SERPINB11: variants seen among roughly 807,000 people sequenced by gnomAD.
The protein encoded by SERPINB11 is serpin family B member 11.
In SERPINB11, 32 loss-of-function variants were observed where a neutral mutation model predicts 36.7. The ratio of observed to expected loss-of-function variants is 0.87; its 90% CI spans 0.66 to 1.17. The LOEUF is 1.17. SERPINB11 is among the 50% of genes most tolerant of loss of function. The pLI, the probability that SERPINB11 is intolerant of heterozygous loss-of-function variation, is 0.00. For missense variants in SERPINB11, 528 were observed against 458.4 expected (o/e 1.15, Z -1.39); for synonymous variants, 174 against 168.1 (o/e 1.04, Z -0.27).
intron 5 of SERPINB11, among the ~76,000 whole-genome samples, chr18:63,716,448 C>T (rs8087398): frequency 0.37 from 56,471 of 151,894 alleles, 11,352 homozygotes; most frequent in East Asian, 0.61. Flanking sequence ...TATTGCTAAA[C>T]ATTTCTTAAA....
chr18:63,714,657 G>T (rs1914620411), intron 4 of SERPINB11, among the ~76,000 whole-genome samples: 1 of 152,080 alleles, frequency 6.6e-6, no homozygotes, highest in Non-Finnish European at 1.5e-5. Context: ...ATATGGCTCT[G>T]TTCTGCCTGG....
Position 63,723,281 on chromosome 18 carries a change from T to C in SERPINB11, c.1061T>C (p.Ile354Thr), listed in dbSNP as rs34811964. Reference protein sequence around the residue: ...TEAAAATGDSIAVKSLPMRAQ... With the variant: ...TEAAAATGDSTAVKSLPMRAQ... Reference sequence around the variant, plus strand: ...GCAGCAGCAGCCACTGGGGACAGCATCGCTGTAAAAAGCCTACCAATGAGA... The same window carrying C: ...GCAGCAGCAGCCACTGGGGACAGCACCGCTGTAAAAAGCCTACCAATGAGA... Residue 354 changes from isoleucine (I) to threonine (T), a missense_variant, in exon 8 of 8, where the codon ATC (isoleucine) becomes ACC (threonine). Coordinates refer to ENST00000544088, the MANE Select transcript of SERPINB11 (RefSeq NM_001370475.1). The C allele has an allele frequency of 0.019, 30,182 of 1,613,970 alleles. 362 individuals carry two copies. The highest frequency in any genetic ancestry group is 0.029 in the Middle Eastern group (173 of 6,062).
intron 4 of SERPINB11, among the ~76,000 whole-genome samples, chr18:63,712,952 T>C (rs1914567718): frequency 6.6e-6 from 1 of 152,200 alleles, no homozygotes; most frequent in Non-Finnish European, 1.5e-5. Context: ...ACAAAGTAGG[T>C]AAGAATCATC....
At position 63,720,141 on chromosome 18, in the gene SERPINB11, T is replaced by C; in HGVS notation, c.604T>C (p.Phe202Leu). ...FQVRETVKSP[F>L]QLSEGKNVTV... Reference sequence around the variant, plus strand: ...AGTAAGAGAGACAGTTAAAAGTCCTTTTCAGCTAAGTGAGGTAAGTATTTT... The same window carrying C: ...AGTAAGAGAGACAGTTAAAAGTCCTCTTCAGCTAAGTGAGGTAAGTATTTT... Residue 202 changes from phenylalanine (F) to leucine (L), a missense_variant, in exon 6 of 8, where the codon TTT becomes CTT. By Grantham distance (22) the Phe-to-Leu change is conservative (BLOSUM62 0). Transcript: ENST00000544088. 2 of 1,606,750 alleles carry C rather than the reference T, an allele frequency of 1.2e-6. No homozygotes were observed. The highest frequency in any genetic ancestry group is 1.7e-6 in the Non-Finnish European group (2 of 1,175,118).
chr18:63,723,612 C>T lies in SERPINB11; in HGVS notation c.*213C>T. 2.1e-6 allele frequency: 1 copy of T among 470,838 alleles called. No individual in the cohort carries two copies. Among genetic ancestry groups the T allele is most frequent in the East Asian group, 3.2e-5 (1 of 30,984 alleles). The allele number at this position is 470,838 out of a possible 1,614,324, so 29.2% of individuals were successfully genotyped here. ...GAAAAAGGTAGATTTATGCAGAAAG[C>T]CTTTCTGGCTTTCTTATCTGTGGTG... On this transcript the variant is annotated 3_prime_UTR_variant, in exon 8 of 8. Transcript: ENST00000544088.
rs1337984139 is a variant in SERPINB11, at chr18:63,723,201, T to C, written c.981T>C (p.Tyr327=). The part of the protein sequence containing the change: ...LSGMSPTKGL[Y]LSKAIHKSYL... ...GAATGTCACCAACCAAGGGCCTATATTTATCAAAAGCCATCCACAAGTCAT... is the reference window on the plus strand; with the variant it reads ...GAATGTCACCAACCAAGGGCCTATACTTATCAAAAGCCATCCACAAGTCAT... The change falls in exon 8 of 8, where the codon TAT becomes TAC. Residue 327 remains tyrosine (Y), a synonymous_variant. Coordinates refer to ENST00000544088, the MANE Select transcript of SERPINB11 (RefSeq NM_001370475.1). The C allele has an allele frequency of 6.2e-7, 1 of 1,613,762 alleles. No homozygotes were observed. Among genetic ancestry groups the C allele is most frequent in the Admixed American group, 1.7e-5 (1 of 59,986 alleles).
rs1164159599 is a variant in SERPINB11, at chr18:63,710,327, G to A, written c.134G>A (p.Gly45Asp). 1 of 1,613,350 alleles carries A rather than the reference G, an allele frequency of 6.2e-7. No individual in the cohort carries two copies. Among genetic ancestry groups the A allele is most frequent in the South Asian group, 1.1e-5 (1 of 90,952 alleles). Residue 45 changes from glycine (G) to aspartate (D), a missense_variant, in exon 2 of 8, where the codon GGT (glycine) becomes GAT (aspartate). Transcript: ENST00000544088. Reference sequence around the variant, plus strand: ...TATGCTCTAAGCATGGTCCTCCTTGGTGCCAGGGGAGAGACTGAAGAGCAA... The same window carrying A: ...TATGCTCTAAGCATGGTCCTCCTTGATGCCAGGGGAGAGACTGAAGAGCAA... The part of the protein sequence containing the change: ...LLYALSMVLL[G>D]ARGETEEQLE...
intron 1 of SERPINB11, among the ~76,000 whole-genome samples, chr18:63,703,561 A>T (rs1286730581): frequency 2.0e-5 from 3 of 152,250 alleles, no homozygotes; most frequent in African/African-American, 7.2e-5. Flanking sequence ...AGGAATGAGC[A>T]TATGTGAAAT....
rs1191404377 is a variant in SERPINB11, at chr18:63,720,813, T to C, written c.619-18T>C. The C allele has an allele frequency of 2.6e-6, 4 of 1,528,672 alleles. No individual in the cohort carries two copies. In the African/African-American group the frequency reaches 5.5e-5, roughly 21 times the overall value. The allele number at this position is 1,528,672 out of a possible 1,614,324, so 94.7% of individuals were successfully genotyped here. ...ACTCACATATGTAAGTATACTATAA[T>C]CTTTTTCTTCTTAACAGGGTAAAAA... On this transcript the variant is annotated intron_variant, in intron 6 of 7. Coordinates refer to ENST00000544088, the MANE Select transcript of SERPINB11 (RefSeq NM_001370475.1).
At chr18:63,711,932 G>T (rs1914537209) in intron 3 of SERPINB11, among the ~76,000 whole-genome samples, 1 of 152,152 alleles carries the variant, frequency 6.6e-6, no homozygotes, top group African/African-American at 2.4e-5. Context: ...TAGACTCACA[G>T]AATACCAGCT....
At chr18:63,708,521 A>G (rs1015143645) in intron 1 of SERPINB11, among the ~76,000 whole-genome samples, 1 of 152,194 alleles carries the variant, frequency 6.6e-6, no homozygotes, top group African/African-American at 2.4e-5. Context: ...GTACTTAAGG[A>G]TGATCACAAG....
At chr18:63,705,542 C>T (rs1419631862) in intron 1 of SERPINB11, 1 of 152,208 alleles carries the variant, frequency 6.6e-6, no homozygotes, top group East Asian at 1.9e-4. Context: ...GCCTTCTAAT[C>T]CAGTCATGGC....
At chr18:63,702,861 T>G (rs1480869523), upstream of SERPINB11, 1 of 152,000 alleles carries the variant, frequency 6.6e-6, no homozygotes, top group Non-Finnish European at 1.5e-5. Context: ...GGCTGTACTT[T>G]CCAACCAGCA....
chr18:63,712,787 A>G (rs1026870161), intron 4 of SERPINB11, 94 bp downstream of exon 4: 1 of 1,322,352 alleles, frequency 7.6e-7, no homozygotes, highest in African/African-American at 1.5e-5. Flanking sequence ...GTCACATGAC[A>G]TTTATCATTA....
chr18:63,705,718 A>G (rs773396489), intron 1 of SERPINB11: 1 of 152,256 alleles, frequency 6.6e-6, no homozygotes, highest in African/African-American at 2.4e-5. Context: ...CTGCAGGGCT[A>G]CAATAGTTAT....
chr18:63,712,762 T>A, intron 4 of SERPINB11, 69 bp downstream of exon 4: 1 of 1,522,872 alleles, frequency 6.6e-7, no homozygotes, highest in Non-Finnish European at 9.0e-7. Context: ...CCAAAATTGA[T>A]GAAGAGTGAG....
chr18:63,717,127 A>G (rs1914689353), intron 5 of SERPINB11, among the ~76,000 whole-genome samples: 1 of 151,986 alleles, frequency 6.6e-6, no homozygotes, highest in African/African-American at 2.4e-5. Context: ...TTTAAATCTC[A>G]TGTAATTGGA....
intron 1 of SERPINB11, among the ~76,000 whole-genome samples, chr18:63,704,043 C>G (rs780211402): frequency 1.3e-5 from 2 of 152,140 alleles, no homozygotes; most frequent in African/African-American, 2.4e-5. Context: ...CCATATGCAT[C>G]TTTGATAAAA....
chr18:63,711,348 G>A lies in SERPINB11; in HGVS notation c.182G>A (p.Ser61Asn), dbSNP rs1285931481. ...EEQLEKVLHF[S>N]HTVDSLKPGF... The stretch of plus-strand genomic sequence containing the variant: ...TTTCTTTTCTAGGTGCTTCATTTTA[G>A]TCATACTGTAGACTCATTAAAACCA... Residue 61 changes from serine (S) to asparagine (N), a missense_variant, in exon 3 of 8, where the codon AGT becomes AAT. Coordinates refer to ENST00000544088, the MANE Select transcript of SERPINB11 (RefSeq NM_001370475.1). The A allele has an allele frequency of 1.2e-6, 2 of 1,610,072 alleles. No homozygotes were observed. The highest frequency in any genetic ancestry group is 1.3e-5 in the African/African-American group (1 of 74,818).
Sources: allele counts gnomAD v4.1 joint callset (sites outside exome capture counted in the v4.1 genomes callset), GRCh38; gene constraint gnomAD v4.1.1; transcripts MANE v1.5; gene names NCBI Gene and HGNC (gene_info 2026-07-23, HGNC 2026-07-21).